The following TANGO6 variants were observed in gnomAD, a reference collection of about 807,000 sequenced individuals.
TANGO6 encodes transport and Golgi organization protein 6 homolog.
In TANGO6, 90 loss-of-function variants were observed where a neutral mutation model predicts 114.2. The ratio of observed to expected loss-of-function variants is 0.79; its 90% CI spans 0.66 to 0.94. The LOEUF (loss-of-function observed/expected upper bound fraction) is 0.94, where lower values mean the gene tolerates loss of function less well. TANGO6 is among the 40% of genes least tolerant of loss of function. The probability of loss-of-function intolerance (pLI) is 0.00; values close to 1 mark genes in which losing one functional copy is unlikely to be tolerated. For missense variants in TANGO6, 1,274 were observed against 1,315.3 expected, an observed-to-expected ratio of 0.97 and a Z score of 0.49; for synonymous variants, 477 against 509.8, an observed-to-expected ratio of 0.94 and a Z score of 0.87.
At chr16:68,921,399 G>A (rs541579080) in intron 12 of TANGO6, among the ~76,000 whole-genome samples, 6 of 151,782 alleles carry the variant, frequency 4.0e-5, no homozygotes, top group African/African-American at 1.4e-4. Context: ...GGCCAGGCTG[G>A]TCTCGAACCC....
At chr16:68,942,347 G>T (rs1377554849) in intron 14 of TANGO6, among the ~76,000 whole-genome samples, 1 of 151,914 alleles carries the variant, frequency 6.6e-6, no homozygotes, top group Non-Finnish European at 1.5e-5. Context: ...TTACATGGAT[G>T]TTAAAACCTT....
chr16:68,855,366 G>T (rs1961970724), intron 1 of TANGO6, among the ~76,000 whole-genome samples: 1 of 151,830 alleles, frequency 6.6e-6, no homozygotes, highest in Admixed American at 6.6e-5. Context: ...CAGATCACCT[G>T]AGCTCAGGAG....
chr16:68,875,245 G>T lies in TANGO6; in HGVS notation c.1086G>T (p.Gln362His). The change falls in exon 5 of 18, where the codon CAG (glutamine) becomes CAT (histidine). Residue 362 changes from glutamine (Q) to histidine (H), a missense_variant. Gln to His is a conservative substitution (Grantham distance 24). Coordinates refer to ENST00000261778, the MANE Select transcript of TANGO6 (RefSeq NM_024562.2). ...CAAAGATTTTGGCCTCTTGTCCCCA[G>T]CAGTCTCTTTCACCAGAGAATTACT... is the stretch of plus-strand genomic sequence containing the variant. ...LIAKILASCP[Q>H]QSLSPENYYR... 6.2e-7 allele frequency: 1 copy of T among 1,613,710 alleles called. No individual in the cohort carries two copies. Among genetic ancestry groups the T allele is most frequent in the Non-Finnish European group, 8.5e-7 (1 of 1,179,754 alleles).
At chr16:69,009,829 T>A (rs1223215945) in intron 15 of TANGO6, among the ~76,000 whole-genome samples, 2 of 152,250 alleles carry the variant, frequency 1.3e-5, no homozygotes, top group African/African-American at 4.8e-5. Context: ...AGAATATTCA[T>A]TGCTAACCTG....
chr16:69,032,751 G>A (rs898471805), intron 16 of TANGO6, among the ~76,000 whole-genome samples: 2 of 151,836 alleles, frequency 1.3e-5, no homozygotes, highest in Admixed American at 6.6e-5. Context: ...GGTGGCAGGC[G>A]CCTGTAATCC....
At chr16:68,971,076 C>T (rs1347059099) in intron 14 of TANGO6, among the ~76,000 whole-genome samples, 5 of 150,154 alleles carry the variant, frequency 3.3e-5, no homozygotes, top group Non-Finnish European at 7.4e-5. Context: ...TTGCTTGAAC[C>T]GGGAGGTGGA....
At position 69,072,404 on chromosome 16, in the gene TANGO6, G is replaced by A. The variant is rs371019178; in HGVS notation, c.3109-11081G>A. Among the ~76,000 whole-genome samples the A allele has an allele frequency of 5.3e-5, 8 of 152,042 alleles. No homozygotes were observed. In the East Asian group the frequency reaches 1.5e-3, roughly 29 times the overall value. On this transcript the variant is annotated intron_variant, in intron 17 of 17. Coordinates refer to ENST00000261778, the MANE Select transcript of TANGO6 (RefSeq NM_024562.2). ...GGAGTCCTTGGGCCTGATACAGTTG[G>A]GGGATGAACAGCAGGTGTGCTGAAC...
At chr16:68,869,809 TTA>T (rs1444521680) in intron 4 of TANGO6, among the ~76,000 whole-genome samples, 1 of 152,078 alleles carries the variant, frequency 6.6e-6, no homozygotes, top group Non-Finnish European at 1.5e-5. Flanking sequence ...GGGAAGATAG[TTA>T]TAGGCAGAGA....
At chr16:69,011,494 C>T (rs1201306217) in intron 15 of TANGO6, among the ~76,000 whole-genome samples, 11 of 150,920 alleles carry the variant, frequency 7.3e-5, no homozygotes, top group Non-Finnish European at 1.0e-4. Flanking sequence ...TGCTGTGTCA[C>T]GCAGACTGGA....
At chr16:68,872,091 C>T (rs138963059) in intron 4 of TANGO6, among the ~76,000 whole-genome samples, 1,562 of 151,642 alleles carry the variant, frequency 0.01, 17 homozygotes, top group Non-Finnish European at 0.018. Flanking sequence ...ATTAGTGGTG[C>T]GTGCCTGTAG....
At chr16:68,998,877 G>T (rs1054701574) in intron 15 of TANGO6, among the ~76,000 whole-genome samples, 1 of 151,774 alleles carries the variant, frequency 6.6e-6, no homozygotes, top group Non-Finnish European at 1.5e-5. Context: ...TGTTCCATAG[G>T]AATCCCAGAC....
intron 14 of TANGO6, among the ~76,000 whole-genome samples, chr16:68,944,499 A>G (rs1395120462): frequency 6.6e-6 from 1 of 152,072 alleles, no homozygotes; most frequent in Non-Finnish European, 1.5e-5. Context: ...CCAACAGATG[A>G]TCTCCCAACC....
At chr16:68,968,932 A>G (rs1274659212) in intron 14 of TANGO6, among the ~76,000 whole-genome samples, 3 of 152,096 alleles carry the variant, frequency 2.0e-5, no homozygotes, top group Non-Finnish European at 4.4e-5. Context: ...GGCCTCCCAA[A>G]GTGCTGGGAT....
At chr16:68,928,278 T>C (rs1370594074) in intron 13 of TANGO6, among the ~76,000 whole-genome samples, 195 bp downstream of exon 13, 2 of 149,096 alleles carry the variant, frequency 1.3e-5, no homozygotes, top group East Asian at 3.9e-4. Context: ...ACTCCTCAAA[T>C]GAATATGAAC....
At chr16:68,915,084 G>A (rs1962982653) in intron 11 of TANGO6, among the ~76,000 whole-genome samples, 1 of 148,854 alleles carries the variant, frequency 6.7e-6, no homozygotes, top group Non-Finnish European at 1.5e-5. Flanking sequence ...TGAGGCAGGA[G>A]TATTGCTTGA....
At chr16:69,054,504 C>G (rs1053307858) in intron 17 of TANGO6, among the ~76,000 whole-genome samples, 3 of 152,124 alleles carry the variant, frequency 2.0e-5, no homozygotes, top group African/African-American at 7.2e-5. Flanking sequence ...AATTTATCAT[C>G]CAGACTGGGA....
intron 7 of TANGO6, 90 bp from the exon 8 acceptor site, chr16:68,900,344 C>T (rs1442612386): frequency 1.2e-5 from 12 of 981,886 alleles, no homozygotes; most frequent in East Asian, 2.4e-5. Context: ...TTGCTTAAGA[C>T]GCTGAGCCCT....
At chr16:68,983,798 C>T (rs1247693857) in intron 15 of TANGO6, among the ~76,000 whole-genome samples, 1 of 152,064 alleles carries the variant, frequency 6.6e-6, no homozygotes, top group East Asian at 1.9e-4. Context: ...CTTTGGGAGG[C>T]CGAGGCGGGC....
At chr16:69,077,636 C>A (rs913257459) in intron 17 of TANGO6, among the ~76,000 whole-genome samples, 3 of 152,052 alleles carry the variant, frequency 2.0e-5, no homozygotes, top group Non-Finnish European at 4.4e-5. Context: ...CAAGACCAGC[C>A]TGGCCAACAT....
Sources: allele counts gnomAD v4.1 joint callset (sites outside exome capture counted in the v4.1 genomes callset), GRCh38; gene constraint gnomAD v4.1.1; transcripts MANE v1.5; gene names NCBI Gene and HGNC (gene_info 2026-07-23, HGNC 2026-07-21).